The following CAMK2A variants were observed in gnomAD, a reference collection of about 807,000 sequenced individuals.
CAMK2A encodes the protein calcium/calmodulin-dependent protein kinase type II subunit alpha.
A neutral mutation model predicts 79.2 loss-of-function variants in CAMK2A; 7 were observed. The observed-to-expected ratio is 0.09, with a 90% confidence interval of 0.05 to 0.17. The LOEUF (loss-of-function observed/expected upper bound fraction) is 0.17. CAMK2A is among the 10% of genes least tolerant of loss of function. The pLI, the probability that CAMK2A is intolerant of heterozygous loss-of-function variation, is 1.00. For missense variants in CAMK2A, 214 were observed against 646.4 expected (o/e 0.33, Z 7.25); for synonymous variants, 242 against 251.7 (o/e 0.96, Z 0.36).
intron 1 of CAMK2A, among the ~76,000 whole-genome samples, chr5:150,275,590 C>A (rs1480978639): frequency 6.6e-6 from 1 of 152,232 alleles, no homozygotes; most frequent in Non-Finnish European, 1.5e-5. Context: ...GGGGATCCCA[C>A]AACCCCCTCC....
At position 150,225,447 on chromosome 5, in the gene CAMK2A, G is replaced by A. The variant is rs146691783; in HGVS notation, c.1238-2230C>T. Among the ~76,000 whole-genome samples, 541 of 152,324 alleles carry A rather than the reference G, an allele frequency of 3.6e-3. 4 individuals are homozygous for A. In the Middle Eastern group the frequency reaches 0.041, roughly 11 times the overall value. ...GGTTCAGCCTTGGAGGTGAGCAGAT[G>A]TTTAAGCCTGGAGTCTGGGGGCCAG... On this transcript the variant is annotated intron_variant, in intron 17 of 18. Coordinates refer to ENST00000671881, the MANE Select transcript of CAMK2A (RefSeq NM_015981.4).
chr5:150,263,390 TCA>T (rs201566591), intron 3 of CAMK2A, among the ~76,000 whole-genome samples: 4,733 of 149,534 alleles, frequency 0.032, 240 homozygotes, highest in African/African-American at 0.11. Flanking sequence ...ACACAGACAT[TCA>T]CACACACACA....
intron 2 of CAMK2A, among the ~76,000 whole-genome samples, chr5:150,268,152 ACCGTGC>A: frequency 6.6e-6 from 1 of 152,212 alleles, no homozygotes; most frequent in East Asian, 1.9e-4. Flanking sequence ...TGCTGGGATT[ACCGTGC>A]CCGGACCCAC....
chr5:150,288,356 G>A (rs1341623967), intron 1 of CAMK2A, among the ~76,000 whole-genome samples: 1 of 152,044 alleles, frequency 6.6e-6, no homozygotes, highest in African/African-American at 2.4e-5. Context: ...CAGCACTCTT[G>A]TAATACTCAC....
intron 12 of CAMK2A, among the ~76,000 whole-genome samples, 173 bp downstream of exon 12, chr5:150,247,599 C>T (rs973126540): frequency 1.3e-5 from 2 of 152,156 alleles, no homozygotes; most frequent in African/African-American, 4.8e-5. Flanking sequence ...TTTGACCTCT[C>T]TTCACTTCTG....
chr5:150,282,251 G>T (rs1757247182), intron 1 of CAMK2A, among the ~76,000 whole-genome samples: 1 of 152,196 alleles, frequency 6.6e-6, no homozygotes, highest in Admixed American at 6.5e-5. Context: ...AAGTCTCGTG[G>T]GGGACACAGA....
In CAMK2A at chr5:150,221,975, CAATT is replaced by C; in HGVS notation, c.*731_*734del. The C allele has an allele frequency of 5.0e-6, 1 of 201,178 alleles. No individual in the cohort carries two copies. Among genetic ancestry groups the C allele is most frequent in the East Asian group, 1.1e-4 (1 of 8,798 alleles). 12.5% of individuals were successfully genotyped at this position (201,178 alleles called of 1,614,324 possible). A position where few individuals can be genotyped will look rare whatever the true frequency, so the allele number is the denominator to read the frequency against. The stretch of plus-strand genomic sequence containing the variant: ...GTTGCTTTCTTTTGCCCCCCAAAAA[CAATT>C]AGATTCCCTCTCTGAGATACGACAA... On this transcript the variant is annotated 3_prime_UTR_variant, in exon 19 of 19. Transcript: ENST00000671881.
At chr5:150,231,275 G>T in intron 16 of CAMK2A, 30 bp downstream of exon 16, 1 of 1,388,396 alleles carries the variant, frequency 7.2e-7, no homozygotes, top group Non-Finnish European at 1.0e-6. Context: ...AATCCAGGCA[G>T]GACATGCAGA....
chr5:150,265,388 A>T (rs1756470337), intron 2 of CAMK2A: 1 of 201,360 alleles, frequency 5.0e-6, no homozygotes, highest in Non-Finnish European at 1.0e-5. Flanking sequence ...TTCAGGAGAG[A>T]ATTGCACATG....
At chr5:150,252,095 C>A in intron 7 of CAMK2A, 30 bp from the exon 8 acceptor site, 1 of 1,536,290 alleles carries the variant, frequency 6.5e-7, no homozygotes, top group South Asian at 1.1e-5. Flanking sequence ...CAGGCAGACA[C>A]ATACACAGAG....
At chr5:150,250,635 G>C in intron 10 of CAMK2A, 53 bp downstream of exon 10, 1 of 1,606,952 alleles carries the variant, frequency 6.2e-7, no homozygotes. Flanking sequence ...TGGGGGCCTG[G>C]ATCATGAGGT....
chr5:150,229,887 A>G (rs1754766263), intron 16 of CAMK2A, among the ~76,000 whole-genome samples: 1 of 152,224 alleles, frequency 6.6e-6, no homozygotes, highest in African/African-American at 2.4e-5. Flanking sequence ...GTACAAGTGC[A>G]TGCATACACA....
intron 4 of CAMK2A, 27 bp downstream of exon 4, chr5:150,257,536 C>T (rs375632139): frequency 2.0e-4 from 310 of 1,546,846 alleles, no homozygotes; most frequent in Non-Finnish European, 2.6e-4. Context: ...ACACCGTTGG[C>T]GCATCCCAGG....
In CAMK2A at chr5:150,284,032, T is replaced by G. The variant is rs1757322449; in HGVS notation, c.62+5532A>C. Among the ~76,000 whole-genome samples the G allele has an allele frequency of 6.6e-6, 1 of 152,118 alleles. No homozygotes were observed. Among genetic ancestry groups the G allele is most frequent in the African/African-American group, 2.4e-5 (1 of 41,428 alleles). On this transcript the variant is annotated intron_variant, in intron 1 of 18. Transcript: ENST00000671881. This position sits in a 1 kb window ranked among gnomAD's most constrained non-coding sequence, Gnocchi z 5.3. ...TCAGGAGGTTGGGCTGCACCTGCAC[T>G]CAGCAGGTTGCCTGGGGTAGGAGGC... is the stretch of plus-strand genomic sequence containing the variant.
chr5:150,262,142 T>C (rs1364160336), intron 3 of CAMK2A, among the ~76,000 whole-genome samples: 2 of 152,214 alleles, frequency 1.3e-5, no homozygotes, highest in East Asian at 3.8e-4. Flanking sequence ...TGGACTGACC[T>C]GTGCTGAGCC....
rs1379209144 is a variant in CAMK2A, at chr5:150,247,757, G to T, written c.943+15C>A. The T allele has an allele frequency of 6.2e-7, 1 of 1,607,044 alleles. No individual in the cohort carries two copies. Among genetic ancestry groups the T allele is most frequent in the Non-Finnish European group, 8.5e-7 (1 of 1,176,796 alleles). The stretch of plus-strand genomic sequence containing the variant: ...GTGCAGGGCTTACTGGGGACCCTGA[G>T]GTCCTGCCACCTACCGGAGAAGTTC... On this transcript the variant is annotated intron_variant, in intron 12 of 18. Transcript: ENST00000671881.
chr5:150,256,419 T>G lies in CAMK2A; in HGVS notation c.411+154A>C, dbSNP rs996653112. Among the ~76,000 whole-genome samples, 1 of 152,218 alleles carries G rather than the reference T, an allele frequency of 6.6e-6. No homozygotes were observed. Among genetic ancestry groups the G allele is most frequent in the Non-Finnish European group, 1.5e-5 (1 of 68,034 alleles). On this transcript the variant is annotated intron_variant, in intron 6 of 18. Transcript: ENST00000671881. This position sits in a 1 kb window ranked among gnomAD's most constrained non-coding sequence, Gnocchi z 4.6. ...CCTTCCTGAGCTCTGCTTCCTCATCTGAACAGTGGGGAAAATAATCTCACC... is the reference window on the plus strand; with the variant it reads ...CCTTCCTGAGCTCTGCTTCCTCATCGGAACAGTGGGGAAAATAATCTCACC...
chr5:150,254,575 G>A (rs1356386356), intron 6 of CAMK2A, among the ~76,000 whole-genome samples: 1 of 152,248 alleles, frequency 6.6e-6, no homozygotes, highest in Non-Finnish European at 1.5e-5. Flanking sequence ...TCTGGGCATC[G>A]AGGCTGCTGC....
chr5:150,222,903 G>A, intron 18 of CAMK2A, 86 bp downstream of exon 18: 1 of 1,430,246 alleles, frequency 7.0e-7, no homozygotes. Flanking sequence ...AGAGCTGAAG[G>A]CAGCAGCTTC....
Sources: gnomAD v4.1 joint callset for allele counts (sites outside exome capture counted in the v4.1 genomes callset) on GRCh38, gnomAD v4.1.1 for gene constraint, Gnocchi (gnomAD v3.1) non-coding constraint, MANE v1.5 for transcripts, NCBI Gene and HGNC (gene_info 2026-07-23, HGNC 2026-07-21) for gene names.